NR2C1: variants seen among roughly 807,000 people sequenced by gnomAD.
NR2C1 encodes the protein nuclear receptor subfamily 2 group C member 1.
A neutral mutation model predicts 74.8 loss-of-function variants in NR2C1; 33 were observed. The ratio of observed to expected loss-of-function variants is 0.44; its 90% confidence interval spans 0.33 to 0.59. The LOEUF is 0.59. Ranked by LOEUF, NR2C1 falls within the 20% of genes least tolerant of loss-of-function variation. The pLI is 0.02. For synonymous variants in NR2C1, 225 were observed against 240.6 expected (o/e 0.94, Z 0.60); for missense variants, 568 against 715.6 (o/e 0.79, Z 2.35).
intron 7 of NR2C1, among the ~76,000 whole-genome samples, chr12:95,052,921 A>G (rs990836503): frequency 2.0e-5 from 3 of 152,060 alleles, no homozygotes; most frequent in Non-Finnish European, 4.4e-5. Flanking sequence ...GTTACCCATT[A>G]TTCTCTTCAC....
intron 10 of NR2C1, among the ~76,000 whole-genome samples, chr12:95,032,649 CAG>C (rs1870287468): frequency 6.6e-6 from 1 of 151,956 alleles, no homozygotes; most frequent in African/African-American, 2.4e-5. Flanking sequence ...ATATCTTGCT[CAG>C]AGTTATTAAG....
chr12:95,026,959 C>G (rs966546152), intron 12 of NR2C1: 7 of 152,092 alleles, frequency 4.6e-5, no homozygotes, highest in African/African-American at 1.4e-4. Context: ...AGCAAATAGT[C>G]ATCTCTCATT....
chr12:95,032,457 C>CAA (rs905079010), intron 10 of NR2C1, among the ~76,000 whole-genome samples: 1 of 90,652 alleles, frequency 1.1e-5, no homozygotes. Flanking sequence ...GACTCCGTCT[C>CAA]AAAAAAAAAA....
At chr12:95,033,644 T>G (rs78069065) in intron 10 of NR2C1, among the ~76,000 whole-genome samples, 3,160 of 152,300 alleles carry the variant, frequency 0.021, 101 homozygotes, top group African/African-American at 0.072. Flanking sequence ...CCTTAAAATA[T>G]AGCTCAGAGT....
intron 8 of NR2C1, among the ~76,000 whole-genome samples, chr12:95,051,016 A>G (rs1872930166): frequency 1.3e-5 from 2 of 152,180 alleles, no homozygotes; most frequent in South Asian, 2.1e-4. Context: ...TTAAGACCAC[A>G]TTTCTAATCT....
In NR2C1 at chr12:95,062,690, G is replaced by A; in HGVS notation, c.103C>T (p.Leu35Phe). ...TGQKIQIVTA[L>F]DHNTQGKQFI... ...TGCTTGCCTTGGGTATTATGATCAAGTGCTGTCACAATCTGGATTTTCTGC... is the reference window on the plus strand; with the variant it reads ...TGCTTGCCTTGGGTATTATGATCAAATGCTGTCACAATCTGGATTTTCTGC... Residue 35 changes from leucine to phenylalanine, a missense_variant, in exon 3 of 14, where the codon CTT becomes TTT. Coordinates refer to ENST00000333003, the MANE Select transcript of NR2C1 (RefSeq NM_003297.4). The A allele has an allele frequency of 6.2e-7, 1 of 1,614,164 alleles. No homozygotes were observed. Among genetic ancestry groups the A allele is most frequent in the East Asian group, 2.2e-5 (1 of 44,884 alleles).
intron 7 of NR2C1, among the ~76,000 whole-genome samples, chr12:95,052,520 G>A (rs966300454): frequency 2.6e-5 from 4 of 152,076 alleles, no homozygotes; most frequent in Non-Finnish European, 5.9e-5. Flanking sequence ...ACAGTGGCAC[G>A]ACCACAGATC....
rs188145449 is a variant in NR2C1, at chr12:95,069,582, T to C, written c.-7-2191A>G. The stretch of plus-strand genomic sequence containing the variant: ...TTTAGTTTTGTGTAAGTATGCTCTA[T>C]GATGTTCATCTGTGATAAAATCACT... On this transcript the variant is annotated intron_variant, in intron 1 of 13. Coordinates refer to ENST00000333003, the MANE Select transcript of NR2C1 (RefSeq NM_003297.4). Among the ~76,000 whole-genome samples, 434 of 152,342 alleles carry C rather than the reference T, an allele frequency of 2.8e-3. 1 individual carries two copies. The highest frequency in any genetic ancestry group is 2.2e-3 in the Non-Finnish European group (152 of 68,032).
chr12:95,073,051 C>T (rs1876959363), intron 1 of NR2C1: 1 of 152,246 alleles, frequency 6.6e-6, no homozygotes, highest in Admixed American at 6.5e-5. Flanking sequence ...CGGAAGCTTT[C>T]CCTGCAGGTT....
chr12:95,064,424 G>T (rs1007907402), intron 2 of NR2C1, among the ~76,000 whole-genome samples: 3 of 152,052 alleles, frequency 2.0e-5, no homozygotes, highest in Non-Finnish European at 2.9e-5. Context: ...TGACATATGG[G>T]CAGAAATACT....
At chr12:95,061,887 G>A (rs1219695187) in intron 3 of NR2C1, among the ~76,000 whole-genome samples, 1 of 152,156 alleles carries the variant, frequency 6.6e-6, no homozygotes, top group Non-Finnish European at 1.5e-5. Flanking sequence ...CTATTCTAGC[G>A]AAAACTAAAA....
In NR2C1 at chr12:95,031,407, C is replaced by T; in HGVS notation, c.1335G>A (p.Met445Ile). 6.2e-7 allele frequency: 1 copy of T among 1,607,944 alleles called. No individual in the cohort carries two copies. Among genetic ancestry groups the T allele is most frequent in the Non-Finnish European group, 8.5e-7 (1 of 1,177,520 alleles). ...TLGLAQCWQVMNVATILATFV... is the reference protein window; with the variant it reads ...TLGLAQCWQVINVATILATFV... ...ATGTTGCTAATATAGTTGCTACATT[C>T]ATCACTTGCCAGCACTGGGCAAGAC... The change falls in exon 11 of 14, where the codon ATG becomes ATA. Residue 445 changes from methionine to isoleucine, a missense_variant. By Grantham distance (10) the Met-to-Ile change is conservative. Transcript: ENST00000333003.
At chr12:95,024,719 C>T (rs1460816688) in intron 13 of NR2C1, among the ~76,000 whole-genome samples, 2 of 152,124 alleles carry the variant, frequency 1.3e-5, no homozygotes, top group Non-Finnish European at 2.9e-5. Context: ...TTCAGGCATG[C>T]GCCACCAAGC....
At chr12:95,027,889 C>A (rs1326549572) in intron 12 of NR2C1, among the ~76,000 whole-genome samples, 2 of 152,214 alleles carry the variant, frequency 1.3e-5, no homozygotes, top group East Asian at 1.9e-4. Flanking sequence ...TCTCCTTAGA[C>A]CCTGGCAACC....
chr12:95,024,672 A>AT (rs1425543858), intron 13 of NR2C1, among the ~76,000 whole-genome samples: 2 of 152,168 alleles, frequency 1.3e-5, no homozygotes, highest in Non-Finnish European at 2.9e-5. Context: ...ATCACAGCTC[A>AT]TTGCAGTCTC....
intron 7 of NR2C1, among the ~76,000 whole-genome samples, chr12:95,053,098 C>T (rs1873271118): frequency 1.3e-5 from 2 of 151,986 alleles, no homozygotes; most frequent in South Asian, 2.1e-4. Context: ...ATCTTCCCAC[C>T]TCAGCCTCCT....
At chr12:95,069,943 A>C (rs1162298170) in intron 1 of NR2C1, among the ~76,000 whole-genome samples, 1 of 152,146 alleles carries the variant, frequency 6.6e-6, no homozygotes, top group Non-Finnish European at 1.5e-5. Context: ...ACCCTGGGAT[A>C]GGATAATAAA....
intron 10 of NR2C1, among the ~76,000 whole-genome samples, chr12:95,039,216 A>G (rs747179396): frequency 1.1e-4 from 16 of 152,268 alleles, no homozygotes; most frequent in Admixed American, 2.0e-4. Flanking sequence ...AATGCATAGT[A>G]TAATGCTGAT....
chr12:95,057,328 C>T (rs1874067601), intron 7 of NR2C1, among the ~76,000 whole-genome samples: 1 of 151,600 alleles, frequency 6.6e-6, no homozygotes, highest in Non-Finnish European at 1.5e-5. Flanking sequence ...TGGTCTTGAA[C>T]TTCTGACCTC....
Sources: allele counts gnomAD v4.1 joint callset (sites outside exome capture counted in the v4.1 genomes callset), GRCh38; gene constraint gnomAD v4.1.1; transcripts MANE v1.5; gene names NCBI Gene and HGNC (gene_info 2026-07-23, HGNC 2026-07-21).